The following FAM135A variants were observed in gnomAD, a reference collection of about 807,000 sequenced individuals.
FAM135A encodes protein FAM135A.
A neutral mutation model predicts 146.8 loss-of-function variants in FAM135A; 79 were observed. The observed-to-expected ratio is 0.54, with a 90% CI of 0.45 to 0.65. FAM135A has a LOEUF of 0.65. FAM135A is among the 30% of genes least tolerant of loss of function. FAM135A has a pLI of 0.00. For synonymous variants in FAM135A, 562 were observed against 603.6 expected, an observed-to-expected ratio of 0.93 and a Z score of 1.01; for missense variants, 1,623 against 1,758.2, an observed-to-expected ratio of 0.92 and a Z score of 1.38.
At chr6:70,522,219 T>C (rs1793750761) in intron 12 of FAM135A, among the ~76,000 whole-genome samples, 1 of 152,194 alleles carries the variant, frequency 6.6e-6, no homozygotes, top group Non-Finnish European at 1.5e-5. Flanking sequence ...GCCTGGCCCA[T>C]AGCTTCTCTT....
intron 4 of FAM135A, among the ~76,000 whole-genome samples, chr6:70,444,812 G>A (rs2127981625): frequency 6.6e-6 from 1 of 152,220 alleles, no homozygotes; most frequent in African/African-American, 2.4e-5. Flanking sequence ...ATTACTATAT[G>A]ACATTCTAGT....
intron 11 of FAM135A, among the ~76,000 whole-genome samples, chr6:70,502,181 A>G (rs570414892): frequency 1.2e-4 from 18 of 152,184 alleles, no homozygotes; most frequent in Non-Finnish European, 2.5e-4. Flanking sequence ...AAGTATCACA[A>G]TTTTTTCTAA....
At chr6:70,448,456 A>C (rs1776306381) in intron 4 of FAM135A, among the ~76,000 whole-genome samples, 1 of 152,096 alleles carries the variant, frequency 6.6e-6, no homozygotes, top group African/African-American at 2.4e-5. Context: ...TGGCTTTAAG[A>C]GTACTCGAGT....
At chr6:70,507,113 C>T (rs1351551493) in intron 12 of FAM135A, among the ~76,000 whole-genome samples, 1 of 152,024 alleles carries the variant, frequency 6.6e-6, no homozygotes, top group Non-Finnish European at 1.5e-5. Context: ...TTTCTCACCC[C>T]ATTCCAGATA....
At chr6:70,482,662 A>T (rs557738900) in intron 10 of FAM135A, among the ~76,000 whole-genome samples, 25 of 152,230 alleles carry the variant, frequency 1.6e-4, no homozygotes, top group Non-Finnish European at 1.0e-4. Context: ...AAATTGTTTT[A>T]AAAAATCAAA....
chr6:70,536,423 T>C lies in FAM135A; in HGVS notation c.4117+12T>C, dbSNP rs1796802646. On this transcript the variant is annotated intron_variant, in intron 19 of 21. Transcript: ENST00000418814. ...TCTTGTTAATACAGGTAAAAAGTTT[T>C]ATTGTTCTGTATTAAAAATATGGAA... 6.4e-7 allele frequency: 1 copy of C among 1,566,060 alleles called. No homozygotes were observed. Among genetic ancestry groups the C allele is most frequent in the African/African-American group, 1.4e-5 (1 of 72,638 alleles).
chr6:70,536,100 C>T lies in FAM135A; in HGVS notation c.3966-160C>T, dbSNP rs1796745550. 1.2e-5 allele frequency: 7 copies of T among 565,230 alleles called. No individual in the cohort carries two copies. In the South Asian group the frequency reaches 1.6e-4, roughly 13 times the overall value. The allele number at this position is 565,230 out of a possible 1,614,324, so 35.0% of individuals were successfully genotyped here. ...CTTCTATACATTCTCACATTTTTTC[C>T]TTCAAAATGTGGTATATCATTTCAA... is the stretch of plus-strand genomic sequence containing the variant. On this transcript the variant is annotated intron_variant, in intron 18 of 21. Transcript: ENST00000418814.
At chr6:70,486,275 C>T (rs1174399860) in intron 10 of FAM135A, 1 of 1,583,668 alleles carries the variant, frequency 6.3e-7, no homozygotes, top group South Asian at 1.1e-5. Flanking sequence ...AGTAAATGAT[C>T]CCTTTTAATT....
At chr6:70,509,936 G>T (rs913800076) in intron 12 of FAM135A, among the ~76,000 whole-genome samples, 2 of 152,138 alleles carry the variant, frequency 1.3e-5, no homozygotes, top group Non-Finnish European at 2.9e-5. Context: ...TTATTATGAC[G>T]CTGGTTTGCT....
chr6:70,549,438 T>C (rs1799420385), intron 20 of FAM135A, among the ~76,000 whole-genome samples: 1 of 152,096 alleles, frequency 6.6e-6, no homozygotes, highest in South Asian at 2.1e-4. Flanking sequence ...AAATTGTGTG[T>C]ATACCAAGAA....
intron 2 of FAM135A, among the ~76,000 whole-genome samples, chr6:70,419,792 A>T (rs1168115608): frequency 8.5e-5 from 13 of 152,172 alleles, no homozygotes; most frequent in Admixed American, 8.5e-4. Context: ...TTGAATGAAC[A>T]TTTCAAAGTA....
intron 20 of FAM135A, among the ~76,000 whole-genome samples, chr6:70,555,219 G>GA (rs907457639): frequency 1.3e-4 from 19 of 151,572 alleles, no homozygotes; most frequent in African/African-American, 3.1e-4. Context: ...GTCACTTTTA[G>GA]AAAAAAAACA....
At chr6:70,481,141 T>C (rs1286560970) in intron 9 of FAM135A, 114 bp downstream of exon 9, 7 of 948,274 alleles carry the variant, frequency 7.4e-6, no homozygotes, top group East Asian at 6.0e-5. Flanking sequence ...CAGCAACTTA[T>C]AGATCTAATT....
At chr6:70,498,043 G>A (rs774408873) in intron 11 of FAM135A, among the ~76,000 whole-genome samples, 62 of 152,220 alleles carry the variant, frequency 4.1e-4, no homozygotes, top group Non-Finnish European at 7.5e-4. Context: ...AGTTTCAGAA[G>A]GAATGGTACT....
intron 20 of FAM135A, among the ~76,000 whole-genome samples, chr6:70,552,465 CTTT>C (rs35509125): frequency 4.2e-4 from 41 of 96,814 alleles, no homozygotes; most frequent in African/African-American, 4.6e-4. Flanking sequence ...GTTGAAGATT[CTTT>C]TTTTTTTTTT....
intron 4 of FAM135A, among the ~76,000 whole-genome samples, chr6:70,447,274 T>C (rs575454982): frequency 2.6e-5 from 4 of 152,368 alleles, no homozygotes; most frequent in Non-Finnish European, 5.9e-5. Flanking sequence ...CCTGTTTGTT[T>C]AATTTCACTT....
At chr6:70,521,654 A>G (rs1373628974) in intron 12 of FAM135A, among the ~76,000 whole-genome samples, 1 of 152,230 alleles carries the variant, frequency 6.6e-6, no homozygotes, top group Non-Finnish European at 1.5e-5. Context: ...TGTTTAGAAA[A>G]TAATTGTAGA....
At chr6:70,490,975 ATTT>A in intron 10 of FAM135A, 56 bp from the exon 11 acceptor site, 1 of 1,260,598 alleles carries the variant, frequency 7.9e-7, no homozygotes, top group Non-Finnish European at 1.1e-6. Flanking sequence ...TGGGAATTTT[ATTT>A]ATATAAATTA....
At chr6:70,474,394 A>G (rs1192960450) in intron 5 of FAM135A, among the ~76,000 whole-genome samples, 1 of 152,114 alleles carries the variant, frequency 6.6e-6, no homozygotes, top group African/African-American at 2.4e-5. Flanking sequence ...CAAACTTCAA[A>G]TGGTAAGGAC....
Sources: allele counts gnomAD v4.1 joint callset (sites outside exome capture counted in the v4.1 genomes callset), GRCh38; gene constraint gnomAD v4.1.1; transcripts MANE v1.5; gene names NCBI Gene and HGNC (gene_info 2026-07-23, HGNC 2026-07-21).